CARMIL1: variants seen among roughly 807,000 people sequenced by gnomAD.
CARMIL1 encodes the protein F-actin-uncapping protein LRRC16A.
In CARMIL1, 90 loss-of-function variants were observed where a neutral mutation model predicts 177.1. The observed-to-expected ratio is 0.51, with a 90% CI of 0.43 to 0.61. The LOEUF (loss-of-function observed/expected upper bound fraction) is 0.61. Among genes scored for constraint, CARMIL1 ranks in the 20% least tolerant of loss-of-function variants. The probability of loss-of-function intolerance (pLI) is 0.00; values close to 1 mark genes in which losing one functional copy is unlikely to be tolerated. For synonymous variants in CARMIL1, 577 were observed against 606.2 expected (o/e 0.95, Z 0.71); for missense variants, 1,380 against 1,667.0 (o/e 0.83, Z 3.00).
chr6:25,599,704 A>G (rs1044933474), intron 32 of CARMIL1, among the ~76,000 whole-genome samples: 1 of 152,194 alleles, frequency 6.6e-6, no homozygotes, highest in Non-Finnish European at 1.5e-5. Context: ...GCCAGACTCA[A>G]GTCGCAAAAA....
chr6:25,444,678 C>T (rs1798055279), intron 5 of CARMIL1, among the ~76,000 whole-genome samples: 1 of 152,168 alleles, frequency 6.6e-6, no homozygotes. Context: ...CCAGCCTCAT[C>T]CATGTCCCTG....
intron 15 of CARMIL1, among the ~76,000 whole-genome samples, chr6:25,492,319 CTT>C (rs1803319117): frequency 1.3e-5 from 2 of 152,158 alleles, no homozygotes; most frequent in South Asian, 4.1e-4. Flanking sequence ...CTTTTAGAAA[CTT>C]TTATAGGTAT....
chr6:25,490,638 C>T (rs577057666), intron 13 of CARMIL1, among the ~76,000 whole-genome samples: 3 of 151,686 alleles, frequency 2.0e-5, no homozygotes, highest in East Asian at 1.9e-4. Flanking sequence ...GTGGAGGTGG[C>T]GGTGAGCCGA....
At chr6:25,312,176 C>A (rs1581527600) in intron 2 of CARMIL1, among the ~76,000 whole-genome samples, 1 of 152,064 alleles carries the variant, frequency 6.6e-6, no homozygotes. Flanking sequence ...TTCCTCTCAC[C>A]CCCTCCCATC....
chr6:25,281,658 C>T (rs1342747841), intron 1 of CARMIL1, among the ~76,000 whole-genome samples: 2 of 152,084 alleles, frequency 1.3e-5, no homozygotes, highest in Admixed American at 1.3e-4. Context: ...TTTTCTGGGC[C>T]TTTCAGTGGT....
intron 2 of CARMIL1, among the ~76,000 whole-genome samples, chr6:25,346,017 T>TGCTATC (rs1215966548): frequency 1.3e-5 from 2 of 152,236 alleles, no homozygotes; most frequent in Non-Finnish European, 2.9e-5. Context: ...TCACCTTTAT[T>TGCTATC]GCTATCACCC....
At chr6:25,307,782 C>CT (rs974308400) in intron 2 of CARMIL1, among the ~76,000 whole-genome samples, 4 of 152,098 alleles carry the variant, frequency 2.6e-5, no homozygotes, top group African/African-American at 9.7e-5. Flanking sequence ...TTAGATACTG[C>CT]TTTTTTGGGG....
intron 26 of CARMIL1, among the ~76,000 whole-genome samples, chr6:25,548,825 C>T (rs1809778659): frequency 6.6e-6 from 1 of 152,186 alleles, no homozygotes; most frequent in Non-Finnish European, 1.5e-5. Flanking sequence ...CCTGAGTGCC[C>T]ATCTCACCAA....
At chr6:25,543,468 C>G in intron 26 of CARMIL1, among the ~76,000 whole-genome samples, 1 of 152,092 alleles carries the variant, frequency 6.6e-6, no homozygotes, top group East Asian at 1.9e-4. Context: ...CAACACTCCC[C>G]TGTTTTCCCT....
At chr6:25,582,827 A>G (rs559424330) in intron 31 of CARMIL1, among the ~76,000 whole-genome samples, 3 of 152,214 alleles carry the variant, frequency 2.0e-5, no homozygotes, top group African/African-American at 7.2e-5. Context: ...TGGCCATAAT[A>G]CATTATTTTA....
chr6:25,501,883 T>C lies in CARMIL1; in HGVS notation c.1395+1648T>C, dbSNP rs144926679. Among the ~76,000 whole-genome samples, 840 of 151,900 alleles carry C rather than the reference T, an allele frequency of 5.5e-3. 7 individuals are homozygous for C. Among genetic ancestry groups the C allele is most frequent in the African/African-American group, 0.017 (717 of 41,418 alleles). ...GAATTTGTACCATATAAATTGTTAG[T>C]GTAGTATTTTTCATTAGTTTCAAGC... On this transcript the variant is annotated intron_variant, in intron 17 of 36. Coordinates refer to ENST00000329474, the MANE Select transcript of CARMIL1 (RefSeq NM_017640.6).
At chr6:25,584,032 T>C (rs534168588) in intron 31 of CARMIL1, among the ~76,000 whole-genome samples, 160 of 140,668 alleles carry the variant, frequency 1.1e-3, no homozygotes, top group African/African-American at 3.7e-3. Flanking sequence ...TTTTCTTTTT[T>C]TTTTTTTTTT....
chr6:25,525,703 TTACC>T (rs1807026434), intron 23 of CARMIL1, among the ~76,000 whole-genome samples: 2 of 152,208 alleles, frequency 1.3e-5, no homozygotes, highest in South Asian at 4.1e-4. Flanking sequence ...CTGTTATAAG[TTACC>T]TACACTACTC....
At chr6:25,495,320 C>A in intron 16 of CARMIL1, 105 bp downstream of exon 16, 1 of 692,490 alleles carries the variant, frequency 1.4e-6, no homozygotes, top group Non-Finnish European at 2.3e-6. Context: ...ACAAAAACCA[C>A]AGATGAGAAT....
intron 11 of CARMIL1, among the ~76,000 whole-genome samples, chr6:25,480,765 G>T (rs1172626234): frequency 2.1e-4 from 25 of 120,048 alleles, no homozygotes; most frequent in Admixed American, 7.1e-4. Flanking sequence ...GAGTCTTGCT[G>T]TGTTACCCAG....
rs765215389 is a variant in CARMIL1, at chr6:25,600,316, A to G, written c.3122A>G (p.Lys1041Arg). ...CTGTGTCTTGGTTTGAAATGCAGGAAATGGTCAACAAGAGGCTCAGAGTCC... is the reference window on the plus strand; with the variant it reads ...CTGTGTCTTGGTTTGAAATGCAGGAGATGGTCAACAAGAGGCTCAGAGTCC... ...TKKVTKMDSK[K>R]WSTRGSESHE... The change falls in exon 33 of 37, where the codon AAA (lysine) becomes AGA (arginine). Residue 1041 changes from lysine to arginine, a missense_variant and splice_region_variant. Transcript: ENST00000329474. The G allele has an allele frequency of 1.6e-5, 26 of 1,603,960 alleles. No individual in the cohort carries two copies. The South Asian group carries it at 2.9e-4, about 18-fold the overall frequency.
chr6:25,338,071 A>C (rs1244719302), intron 2 of CARMIL1, among the ~76,000 whole-genome samples: 1 of 152,098 alleles, frequency 6.6e-6, no homozygotes, highest in Admixed American at 6.5e-5. Flanking sequence ...AGCCTGGCCA[A>C]CATGGCGAAA....
intron 2 of CARMIL1, among the ~76,000 whole-genome samples, chr6:25,323,374 A>C (rs961459183): frequency 4.1e-5 from 6 of 147,326 alleles, no homozygotes; most frequent in Non-Finnish European, 7.4e-5. Context: ...GCTTGAAACC[A>C]GGAATTCGAG....
intron 2 of CARMIL1, among the ~76,000 whole-genome samples, chr6:25,319,985 C>T (rs1343791848): frequency 6.6e-6 from 1 of 152,094 alleles, no homozygotes; most frequent in East Asian, 1.9e-4. Context: ...CTTACTTGCA[C>T]ATGTTATGTT....
Sources: allele counts gnomAD v4.1 joint callset (sites outside exome capture counted in the v4.1 genomes callset), GRCh38; gene constraint gnomAD v4.1.1; transcripts MANE v1.5; gene names NCBI Gene and HGNC (gene_info 2026-07-23, HGNC 2026-07-21).